The following TEAD1 variants were observed in gnomAD, a reference collection of about 807,000 sequenced individuals.
The protein encoded by TEAD1 is TEA domain transcription factor 1.
A neutral mutation model predicts 54.9 loss-of-function variants in TEAD1; 9 were observed. That is an observed-to-expected ratio of 0.16 (90% CI 0.10 to 0.29). The LOEUF is 0.29. Among genes scored for constraint, TEAD1 ranks in the 10% least tolerant of loss-of-function variants. The pLI, the probability that TEAD1 is intolerant of heterozygous loss-of-function variation, is 1.00. For missense variants in TEAD1, 387 were observed against 535.9 expected (o/e 0.72, Z 2.74); for synonymous variants, 200 against 187.8 (o/e 1.07, Z -0.53).
At chr11:12,899,968 T>G (rs534987755) in intron 9 of TEAD1, among the ~76,000 whole-genome samples, 1 of 152,376 alleles carries the variant, frequency 6.6e-6, no homozygotes, top group East Asian at 1.9e-4. Context: ...GGTTATAGAT[T>G]TAAACCAGTA....
At chr11:12,756,184 G>T (rs187312249) in intron 2 of TEAD1, among the ~76,000 whole-genome samples, 2 of 152,136 alleles carry the variant, frequency 1.3e-5, no homozygotes, top group Non-Finnish European at 2.9e-5. Flanking sequence ...CTGTTGACAC[G>T]GAAGTGATTT....
intron 3 of TEAD1, among the ~76,000 whole-genome samples, chr11:12,793,090 T>A (rs1417738726): frequency 6.6e-6 from 1 of 152,048 alleles, no homozygotes; most frequent in Non-Finnish European, 1.5e-5. Flanking sequence ...CAAAAAAGAT[T>A]TTTGCATATC....
chr11:12,720,440 A>G (rs1944169180), intron 2 of TEAD1, among the ~76,000 whole-genome samples: 1 of 152,206 alleles, frequency 6.6e-6, no homozygotes, highest in Non-Finnish European at 1.5e-5. Context: ...CTGCTGCAAC[A>G]GATATCATTT....
chr11:12,772,255 C>T (rs1026724805), intron 3 of TEAD1, among the ~76,000 whole-genome samples: 3 of 152,128 alleles, frequency 2.0e-5, no homozygotes, highest in African/African-American at 7.2e-5. Context: ...GAAGGAGACA[C>T]GGTATCCTGA....
intron 3 of TEAD1, among the ~76,000 whole-genome samples, chr11:12,770,158 G>A (rs1196467929): frequency 6.6e-6 from 1 of 152,168 alleles, no homozygotes; most frequent in African/African-American, 2.4e-5. Context: ...GAGTAATGGG[G>A]AATTTTTGAA....
chr11:12,918,680 A>G (rs961532946), intron 10 of TEAD1, among the ~76,000 whole-genome samples: 1 of 152,200 alleles, frequency 6.6e-6, no homozygotes, highest in Non-Finnish European at 1.5e-5. Context: ...ATGTCCCTCA[A>G]AAGCATATTC....
intron 2 of TEAD1, among the ~76,000 whole-genome samples, chr11:12,690,368 G>C (rs573773708): frequency 1.3e-5 from 2 of 152,116 alleles, no homozygotes; most frequent in African/African-American, 2.4e-5. Flanking sequence ...TCCCAAACCA[G>C]ATCAACAGGT....
chr11:12,768,913 C>T (rs117839359), intron 3 of TEAD1, among the ~76,000 whole-genome samples: 1,896 of 152,188 alleles, frequency 0.012, 28 homozygotes, highest in East Asian at 0.038. Flanking sequence ...CTACCAAGGT[C>T]GAGGGCACCT....
intron 12 of TEAD1, among the ~76,000 whole-genome samples, chr11:12,935,720 A>G (rs1446294140): frequency 1.3e-5 from 2 of 152,138 alleles, no homozygotes; most frequent in East Asian, 3.9e-4. Context: ...GGCCTCCCGA[A>G]GTGCTGGGAT....
chr11:12,818,495 G>T (rs1946463725), intron 3 of TEAD1, among the ~76,000 whole-genome samples: 1 of 152,174 alleles, frequency 6.6e-6, no homozygotes, highest in South Asian at 2.1e-4. Flanking sequence ...ATCAGTGGTG[G>T]TGCTAATGGC....
intron 2 of TEAD1, among the ~76,000 whole-genome samples, chr11:12,683,859 GA>G (rs1943276236): frequency 6.6e-6 from 1 of 152,116 alleles, no homozygotes; most frequent in Non-Finnish European, 1.5e-5. Context: ...CACAGATTTG[GA>G]ATTGGACACA....
chr11:12,767,198 A>G (rs1945224822), intron 3 of TEAD1, among the ~76,000 whole-genome samples: 1 of 152,178 alleles, frequency 6.6e-6, no homozygotes, highest in Non-Finnish European at 1.5e-5. Context: ...ACTGAATCAT[A>G]TGAGCAGTGT....
rs1946071978 is a variant in TEAD1, at chr11:12,802,165, T to C, written c.202+37731T>C. ...CCATTCAGAACAGAGCATTTCAGCC[T>C]CAGGGCACCTACTTAGCCTCTAAGA... is the stretch of plus-strand genomic sequence containing the variant. On this transcript the variant is annotated intron_variant, in intron 3 of 12. Coordinates refer to ENST00000527636, the MANE Select transcript of TEAD1 (RefSeq NM_021961.6). 2.6e-5 allele frequency among the ~76,000 whole-genome samples: 4 copies of C among 152,196 alleles called. 1 individual carries two copies. The East Asian group carries it at 7.7e-4, about 29-fold the overall frequency.
intron 3 of TEAD1, among the ~76,000 whole-genome samples, chr11:12,765,364 A>G (rs1262900633): frequency 6.6e-6 from 1 of 152,214 alleles, no homozygotes; most frequent in Non-Finnish European, 1.5e-5. Flanking sequence ...TTGAGTTGAC[A>G]GAGTTCGCAC....
At chr11:12,851,816 C>G (rs1247433884) in intron 3 of TEAD1, among the ~76,000 whole-genome samples, 1 of 150,646 alleles carries the variant, frequency 6.6e-6, no homozygotes, top group East Asian at 1.9e-4. Context: ...AAAAAAAAAA[C>G]TATTTATTGA....
chr11:12,798,947 A>T (rs1945994007), intron 3 of TEAD1, among the ~76,000 whole-genome samples: 1 of 152,104 alleles, frequency 6.6e-6, no homozygotes, highest in African/African-American at 2.4e-5. Flanking sequence ...AACAAAAGCA[A>T]CAACAAAACC....
intron 2 of TEAD1, among the ~76,000 whole-genome samples, chr11:12,739,396 CTT>C (rs1231043491): frequency 6.6e-6 from 1 of 152,186 alleles, no homozygotes; most frequent in African/African-American, 2.4e-5. Flanking sequence ...GCACAGAACT[CTT>C]TTTATCTGCA....
chr11:12,883,451 A>T (rs1320273313), intron 9 of TEAD1, among the ~76,000 whole-genome samples: 1 of 152,174 alleles, frequency 6.6e-6, no homozygotes, highest in African/African-American at 2.4e-5. Flanking sequence ...GAGCCTTGCC[A>T]TATGCCTGGT....
At chr11:12,888,033 A>G (rs1054671508) in intron 9 of TEAD1, among the ~76,000 whole-genome samples, 2 of 152,262 alleles carry the variant, frequency 1.3e-5, no homozygotes, top group Non-Finnish European at 2.9e-5. Context: ...AGTGCTGGCA[A>G]AAAAAGAAAT....
Sources: gnomAD v4.1 joint callset for allele counts (sites outside exome capture counted in the v4.1 genomes callset) on GRCh38, gnomAD v4.1.1 for gene constraint, MANE v1.5 for transcripts, NCBI Gene and HGNC (gene_info 2026-07-23, HGNC 2026-07-21) for gene names.